BCOR: variants seen among roughly 807,000 people sequenced by gnomAD.
BCOR encodes the protein BCL6 corepressor, also known as BCL-6 corepressor.
Under a neutral mutation model 86.7 loss-of-function variants are expected in BCOR, and 10 were observed. The observed-to-expected ratio is 0.12, with a 90% CI of 0.07 to 0.20. The LOEUF is 0.20. BCOR is among the 10% of genes least tolerant of loss of function. The probability of loss-of-function intolerance (pLI) is 1.00; values close to 1 mark genes in which losing one functional copy is unlikely to be tolerated. For synonymous variants in BCOR, 611 were observed against 609.0 expected (o/e 1.00, Z -0.05); for missense variants, 1,259 against 1,452.1 (o/e 0.87, Z 2.16).
At chrX:40,120,031 C>T (rs1937459730) in intron 1 of BCOR, among the ~76,000 whole-genome samples, 1 of 90,954 alleles carries the variant, frequency 1.1e-5, no homozygotes. Flanking sequence ...AGCAAACTTA[C>T]TGCTCCACAG....
intron 1 of BCOR, among the ~76,000 whole-genome samples, chrX:40,156,460 T>TC (rs999733371): frequency 4.4e-5 from 5 of 112,473 alleles, no homozygotes; most frequent in African/African-American, 1.6e-4. Flanking sequence ...GAGCCACTCT[T>TC]CCCCTGCCCG....
At chrX:40,150,670 C>G (rs760918448) in intron 1 of BCOR, among the ~76,000 whole-genome samples, 32 of 111,864 alleles carry the variant, frequency 2.9e-4, no homozygotes, top group African/African-American at 9.4e-4. Flanking sequence ...CAGATCCCCC[C>G]GGTGGTGGTT....
In BCOR at chrX:40,073,195, T is replaced by C. The variant is rs375141085; in HGVS notation, c.2151A>G (p.Gln717=). 23 of 1,210,749 alleles carry C rather than the reference T, an allele frequency of 1.9e-5. No individual in the cohort carries two copies. The African/African-American group carries it at 3.8e-4, about 20-fold the overall frequency. ...PTGRPEFVTY[Q]DALGLGMVHP... Reference sequence around the variant, plus strand: ...GCACCATGCCCAACCCCAGGGCATCTTGGTAGGTCACAAACTCTGGACGGC... The same window carrying C: ...GCACCATGCCCAACCCCAGGGCATCCTGGTAGGTCACAAACTCTGGACGGC... Residue 717 remains glutamine (Q), a synonymous_variant, in exon 4 of 15, where the codon CAA becomes CAG. Transcript: ENST00000378444.
intron 1 of BCOR, among the ~76,000 whole-genome samples, chrX:40,110,667 C>CTTTTT (rs546960508): frequency 3.4e-5 from 1 of 29,551 alleles, no homozygotes; most frequent in Non-Finnish European, 6.9e-5. Context: ...TTTCCTTTTT[C>CTTTTT]TTTTTTTTTT....
Position 40,077,577 on chromosome X carries a change from T to A in BCOR, c.86+267A>T. The A allele has an allele frequency of 7.5e-6, 3 of 400,952 alleles. No homozygotes were observed. In the Admixed American group the frequency reaches 1.3e-4, roughly 17 times the overall value. The allele number at this position is 400,952 out of a possible 1,213,427, so 33.0% of individuals were successfully genotyped here. On this transcript the variant is annotated intron_variant, in intron 2 of 14. Transcript: ENST00000378444. ...TTTAGAGTTAAAGCAGTATATAGAC[T>A]GGGATTAATTCTCCTTCATAAATAT... is the stretch of plus-strand genomic sequence containing the variant.
Position 40,072,527 on chromosome X carries a change from G to T in BCOR, c.2819C>A (p.Thr940Asn), listed in dbSNP as rs978937963. The change falls in exon 4 of 15, where the codon ACC (threonine) becomes AAC (asparagine). Residue 940 changes from threonine (T) to asparagine (N), a missense_variant. By Grantham distance (65) the Thr-to-Asn change is moderately conservative. Around this residue, in one of 7 missense-constraint regions of BCOR, gnomAD observed 534 missense variants for 594.8 expected, o/e 0.90. Coordinates refer to ENST00000378444, the MANE Select transcript of BCOR (RefSeq NM_001123385.2). The part of the protein sequence containing the change: ...PPSVDVTPTY[T>N]KDGADEAESN... ...TTCAGCCTCATCAGCTCCATCTTTG[G>T]TATAGGTGGGGGTCACATCCACACT... 3 of 1,211,919 alleles carry T rather than the reference G, an allele frequency of 2.5e-6. No individual in the cohort carries two copies. The South Asian group carries it at 5.3e-5, about 21-fold the overall frequency.
intron 1 of BCOR, among the ~76,000 whole-genome samples, chrX:40,125,911 A>G (rs1253721447): frequency 9.0e-6 from 1 of 111,407 alleles, no homozygotes; most frequent in African/African-American, 3.3e-5. Context: ...AGAAGTCACT[A>G]AAGAATCATC....
chrX:40,165,378 T>C (rs1938492470), intron 1 of BCOR, among the ~76,000 whole-genome samples: 1 of 112,373 alleles, frequency 8.9e-6, no homozygotes, highest in East Asian at 2.8e-4. Flanking sequence ...AGTTCTCCTC[T>C]TGACCACAGA....
At chrX:40,161,680 A>AT (rs1938426224) in intron 1 of BCOR, among the ~76,000 whole-genome samples, 1 of 105,978 alleles carries the variant, frequency 9.4e-6, no homozygotes, top group African/African-American at 3.5e-5. Flanking sequence ...CGCCCAGCTA[A>AT]TTTTTTGTAT....
At chrX:40,083,818 G>A (rs756115402) in intron 1 of BCOR, among the ~76,000 whole-genome samples, 188 of 112,126 alleles carry the variant, frequency 1.7e-3, no homozygotes, top group African/African-American at 5.7e-3. Flanking sequence ...CTCCCCGGAG[G>A]CGGCCCGACC....
At chrX:40,163,960 G>A (rs1874362874) in intron 1 of BCOR, among the ~76,000 whole-genome samples, 1 of 108,513 alleles carries the variant, frequency 9.2e-6, no homozygotes, top group South Asian at 4.0e-4. Flanking sequence ...GAAGGCGGAG[G>A]TTGCGGTGAG....
Position 40,139,411 on chromosome X carries a change from A to ATTTTTTTTTTTTT in BCOR, c.-41+37595_-41+37596insAAAAAAAAAAAAA, listed in dbSNP as rs1186716129. On this transcript the variant is annotated intron_variant, in intron 1 of 14. Transcript: ENST00000342274. ...TATATATACATATATATATATATATATATAATATATATACATATATATATA... is the reference window on the plus strand; with the variant it reads ...TATATATACATATATATATATATATATTTTTTTTTTTTTTATAATATATATACATATATATATA... Among the ~76,000 whole-genome samples, 3 of 16,209 alleles carry ATTTTTTTTTTTTT rather than the reference A, an allele frequency of 1.9e-4. 1 individual carries two copies. The African/African-American group carries it at 2.0e-3, about 11-fold the overall frequency. The allele number at this position is 16,209 out of a possible 115,157, so 14.1% of individuals were successfully genotyped here.
chrX:40,102,638 G>A (rs1937094237), upstream of BCOR, among the ~76,000 whole-genome samples: 1 of 113,744 alleles, frequency 8.8e-6, no homozygotes, highest in Non-Finnish European at 1.9e-5. Flanking sequence ...CAGTGTGCCG[G>A]CCTCCGGCCC....
intron 3 of BCOR, 36 bp from the exon 4 acceptor site, chrX:40,075,216 C>G: frequency 8.7e-7 from 1 of 1,150,883 alleles, no homozygotes; most frequent in Non-Finnish European, 1.2e-6. Context: ...TACTGGGATA[C>G]TCCTTCAAGG....
At chrX:40,094,255 C>T (rs752654300) in intron 1 of BCOR, among the ~76,000 whole-genome samples, 1 of 112,506 alleles carries the variant, frequency 8.9e-6, no homozygotes, top group African/African-American at 3.2e-5. Context: ...TCCCCCCCCT[C>T]CAGTCCTTCA....
In BCOR at chrX:40,063,038, T is replaced by C. The variant is rs905710587; in HGVS notation, c.3881A>G (p.Lys1294Arg). Residue 1294 changes from lysine (K) to arginine (R), a missense_variant, in exon 9 of 15, where the codon AAG becomes AGG. Physicochemically the swap from Lys to Arg is conservative, Grantham distance 26. Around this residue, in one of 7 missense-constraint regions of BCOR, gnomAD observed 305 missense variants for 286.1 expected, o/e 1.07. Transcript: ENST00000378444. ...GCCTGCACTGGTGGATGAAAGACTC[T>C]TCATGGGCGGAGAGCCGGAGAACAC... is the stretch of plus-strand genomic sequence containing the variant. ...LPVFSGSPPM[K>R]SLSSTSAGGK... is the part of the protein sequence containing the mutation. The C allele has an allele frequency of 4.3e-6, 5 of 1,170,307 alleles. No homozygotes were observed. Among genetic ancestry groups the C allele is most frequent in the Non-Finnish European group, 5.7e-6 (5 of 874,849 alleles).
intron 1 of BCOR, among the ~76,000 whole-genome samples, chrX:40,120,759 G>A (rs898164368): frequency 2.7e-5 from 3 of 112,284 alleles, no homozygotes; most frequent in East Asian, 2.8e-4. Flanking sequence ...AGAGATGGGC[G>A]ATAAGCAATA....
intron 1 of BCOR, among the ~76,000 whole-genome samples, chrX:40,112,076 G>T (rs1457105573): frequency 9.0e-6 from 1 of 111,147 alleles, no homozygotes; most frequent in African/African-American, 3.3e-5. Flanking sequence ...TTCAGTCCTT[G>T]CCTTCCTTGG....
chrX:40,126,151 G>C (rs1320467395), intron 1 of BCOR, among the ~76,000 whole-genome samples: 1 of 107,975 alleles, frequency 9.3e-6, no homozygotes, highest in Non-Finnish European at 1.9e-5. Context: ...GGGAGGCGGA[G>C]GTTGCAGTGA....
Sources: allele counts gnomAD v4.1 joint callset (sites outside exome capture counted in the v4.1 genomes callset), GRCh38; gene constraint gnomAD v4.1.1; regional missense constraint gnomAD v4.1.1; transcripts MANE v1.5; gene names NCBI Gene and HGNC (gene_info 2026-07-23, HGNC 2026-07-21).